The following SF3A3 variants were observed in gnomAD, a reference collection of about 807,000 sequenced individuals.
SF3A3 encodes the protein splicing factor 3a subunit 3.
A neutral mutation model predicts 85.8 loss-of-function variants in SF3A3; 9 were observed. That is an observed-to-expected ratio of 0.10 (90% CI 0.06 to 0.18). The LOEUF (loss-of-function observed/expected upper bound fraction) is 0.18. Among genes scored for constraint, SF3A3 ranks in the 10% least tolerant of loss-of-function variants. SF3A3 has a pLI of 1.00. For synonymous variants in SF3A3, 195 were observed against 204.4 expected (o/e 0.95, Z 0.39); for missense variants, 306 against 593.3 (o/e 0.52, Z 5.03).
rs1646411718 is a variant in SF3A3, at chr1:37,980,647, A to G, written c.629T>C (p.Phe210Ser). ...VKPLQDQNEL[F>S]GKIQAEFEKK... ...CTCAAACTCAGCCTGAATCTTCCCA[A>G]AAAGTTCATTCTGATCTTGGAGAGG... Residue 210 changes from phenylalanine to serine, a missense_variant, in exon 8 of 17, where the codon TTT becomes TCT. Phe to Ser is a radical substitution (Grantham distance 155). Coordinates refer to ENST00000373019, the MANE Select transcript of SF3A3 (RefSeq NM_006802.4). The G allele has an allele frequency of 1.9e-6, 3 of 1,614,020 alleles. No individual in the cohort carries two copies. The highest frequency in any genetic ancestry group is 2.5e-6 in the Non-Finnish European group (3 of 1,179,970).
intron 12 of SF3A3, among the ~76,000 whole-genome samples, chr1:37,975,836 A>C (rs1356166506): frequency 6.6e-6 from 1 of 152,168 alleles, no homozygotes; most frequent in African/African-American, 2.4e-5. Context: ...GGACCATGCG[A>C]GTATGTGTAA....
chr1:37,966,227 TA>T (rs1412867019), intron 15 of SF3A3, among the ~76,000 whole-genome samples: 1 of 136,034 alleles, frequency 7.4e-6, no homozygotes, highest in African/African-American at 2.6e-5. Flanking sequence ...ATAAATTAAT[TA>T]ATTAAATTAA....
intron 4 of SF3A3, among the ~76,000 whole-genome samples, chr1:37,985,046 G>T (rs1203255067): frequency 3.3e-5 from 5 of 152,220 alleles, no homozygotes; most frequent in South Asian, 2.1e-4. Context: ...AAGCTCAAGT[G>T]ATCTGCCCAC....
chr1:37,977,764 G>C (rs1646388975), intron 11 of SF3A3, among the ~76,000 whole-genome samples: 1 of 151,978 alleles, frequency 6.6e-6, no homozygotes, highest in Non-Finnish European at 1.5e-5. Flanking sequence ...GCTTCAAGCA[G>C]GGCGGTGGAG....
At chr1:37,977,023 AAC>A in intron 11 of SF3A3, 70 bp from the exon 12 acceptor site, 1 of 1,045,026 alleles carries the variant, frequency 9.6e-7, no homozygotes, top group Non-Finnish European at 1.5e-6. Flanking sequence ...TATATCTGGG[AAC>A]ATTTATTGCA....
chr1:37,975,255 C>T lies in SF3A3; in HGVS notation c.1005+1629G>A, dbSNP rs184432065. ...TGCTCTTAAAGGATGGAGAGGCCGT[C>T]GAGTGGCTCCAGCACTTTGGGAGGC... On this transcript the variant is annotated intron_variant, in intron 12 of 16. Coordinates refer to ENST00000373019, the MANE Select transcript of SF3A3 (RefSeq NM_006802.4). Among the ~76,000 whole-genome samples the T allele has an allele frequency of 7.2e-5, 11 of 152,282 alleles. No homozygotes were observed. The East Asian group carries it at 1.9e-3, about 27-fold the overall frequency.
intron 2 of SF3A3, among the ~76,000 whole-genome samples, chr1:37,988,895 A>AT (rs1200614023): frequency 0.023 from 3,375 of 147,322 alleles, 40 homozygotes; most frequent in Non-Finnish European, 0.035. Flanking sequence ...ATATATATAT[A>AT]TTTTTTTTTT....
At chr1:37,964,703 C>T (rs962231558) in intron 15 of SF3A3, among the ~76,000 whole-genome samples, 3 of 152,136 alleles carry the variant, frequency 2.0e-5, no homozygotes, top group East Asian at 1.9e-4. Flanking sequence ...GCTACCACTG[C>T]GGGGAAAACA....
At chr1:37,989,808 G>A in intron 1 of SF3A3, 62 bp downstream of exon 1, 1 of 1,401,368 alleles carries the variant, frequency 7.1e-7, no homozygotes, top group Non-Finnish European at 1.0e-6. Context: ...CAAGCTCTCA[G>A]AGGTCAAACA....
At chr1:37,979,954 G>T in intron 8 of SF3A3, among the ~76,000 whole-genome samples, 1 of 152,186 alleles carries the variant, frequency 6.6e-6, no homozygotes, top group East Asian at 1.9e-4. Context: ...TCTCCCTGGA[G>T]AGTTCAGGAA....
At chr1:37,960,466 A>C in intron 15 of SF3A3, 1 of 377,380 alleles carries the variant, frequency 2.6e-6, no homozygotes, top group Non-Finnish European at 4.8e-6. Context: ...GGAACAACCT[A>C]TGAGAATAAT....
chr1:37,978,958 G>T, intron 10 of SF3A3, 30 bp downstream of exon 10: 2 of 1,589,222 alleles, frequency 1.3e-6, no homozygotes, highest in Non-Finnish European at 1.7e-6. Context: ...ACAGTAAATC[G>T]ATAGTTTTGA....
chr1:37,979,541 G>T lies in SF3A3; in HGVS notation c.691-8C>A. The T allele has an allele frequency of 6.2e-7, 1 of 1,607,064 alleles. No individual in the cohort carries two copies. Among genetic ancestry groups the T allele is most frequent in the South Asian group, 1.1e-5 (1 of 90,866 alleles). ...GGCACTGCTTGTCTCTTTCTGGAAA[G>T]AACAATATGGTATTTATTAAGATCC... On this transcript the variant is annotated splice_region_variant and splice_polypyrimidine_tract_variant and intron_variant, in intron 8 of 16. Coordinates refer to ENST00000373019, the MANE Select transcript of SF3A3 (RefSeq NM_006802.4).
At position 37,989,987 on chromosome 1, in the gene SF3A3, C is replaced by T; in HGVS notation, c.-22G>A. The stretch of plus-strand genomic sequence containing the variant: ...CCATCTTCCCTTAGTCGCGGCTTCT[C>T]AATTCAGACCACCAACACGGCCGGA... On this transcript the variant is annotated 5_prime_UTR_variant, in exon 1 of 17. Coordinates refer to ENST00000373019, the MANE Select transcript of SF3A3 (RefSeq NM_006802.4). 6.4e-7 allele frequency: 1 copy of T among 1,568,590 alleles called. No individual in the cohort carries two copies. The highest frequency in any genetic ancestry group is 8.7e-7 in the Non-Finnish European group (1 of 1,145,448).
At position 37,968,034 on chromosome 1, in the gene SF3A3, T is replaced by C; in HGVS notation, c.1372+10A>G. The C allele has an allele frequency of 1.3e-6, 2 of 1,567,148 alleles. No individual in the cohort carries two copies. Among genetic ancestry groups the C allele is most frequent in the Non-Finnish European group, 1.8e-6 (2 of 1,136,956 alleles). ...ACTCGCCTAGGAGACAGTAAATAAA[T>C]CTTACTTACAGGAGACAGCATCTTC... is the stretch of plus-strand genomic sequence containing the variant. On this transcript the variant is annotated intron_variant, in intron 15 of 16. Coordinates refer to ENST00000373019, the MANE Select transcript of SF3A3 (RefSeq NM_006802.4).
At position 37,958,148 on chromosome 1, in the gene SF3A3, C is replaced by G. The variant is rs770197084; in HGVS notation, c.*38G>C. On this transcript the variant is annotated 3_prime_UTR_variant, in exon 17 of 17. Transcript: ENST00000373019. Reference sequence around the variant, plus strand: ...ATAGAAAAAGCAGATCTTAGGGAAGCCTGGGCTAGCCCAAAAGCTGAGCTA... The same window carrying G: ...ATAGAAAAAGCAGATCTTAGGGAAGGCTGGGCTAGCCCAAAAGCTGAGCTA... 7.3e-7 allele frequency: 1 copy of G among 1,367,706 alleles called. No individual in the cohort carries two copies. The highest frequency in any genetic ancestry group is 1.4e-5 in the African/African-American group (1 of 69,698). 84.7% of individuals were successfully genotyped at this position (1,367,706 alleles called of 1,614,324 possible).
chr1:37,978,773 C>G lies in SF3A3; in HGVS notation c.882G>C (p.Glu294Asp), dbSNP rs1276070367. 1.9e-6 allele frequency: 3 copies of G among 1,572,104 alleles called. No individual in the cohort carries two copies. Among genetic ancestry groups the G allele is most frequent in the Non-Finnish European group, 2.6e-6 (3 of 1,157,054 alleles). Residue 294 changes from glutamate (E) to aspartate (D), a missense_variant, in exon 11 of 17, where the codon GAG becomes GAC. Glu to Asp is a conservative substitution (Grantham distance 45). Coordinates refer to ENST00000373019, the MANE Select transcript of SF3A3 (RefSeq NM_006802.4). ...TGGCAAACAAAGAGGTATCAAGTGA[C>G]TCCAGGGACTTTCCTTTGGTACTGA... Reference protein sequence around the residue: ...RLFSTKGKSLESLDTSLFAKN... With the variant: ...RLFSTKGKSLDSLDTSLFAKN...
intron 6 of SF3A3, among the ~76,000 whole-genome samples, chr1:37,982,794 TAGA>T (rs1557754627): frequency 6.6e-6 from 1 of 152,164 alleles, no homozygotes; most frequent in Non-Finnish European, 1.5e-5. Context: ...CAGGAACACC[TAGA>T]AGAACACATA....
chr1:37,962,001 C>T (rs562876897), intron 15 of SF3A3, among the ~76,000 whole-genome samples: 1 of 151,104 alleles, frequency 6.6e-6, no homozygotes, highest in East Asian at 2.0e-4. Flanking sequence ...AGGAGAATCA[C>T]TTGAACCCAG....
Sources: gnomAD v4.1 joint callset for allele counts (sites outside exome capture counted in the v4.1 genomes callset) on GRCh38, gnomAD v4.1.1 for gene constraint, MANE v1.5 for transcripts, NCBI Gene and HGNC (gene_info 2026-07-23, HGNC 2026-07-21) for gene names.